Variants in NAV2 observed in about 807,000 individuals in gnomAD.
The protein encoded by NAV2 is helicase, APC down-regulated 1.
Under a neutral mutation model 223.2 loss-of-function variants are expected in NAV2, and 54 were observed. The ratio of observed to expected loss-of-function variants is 0.24; its 90% CI spans 0.19 to 0.30. The LOEUF (loss-of-function observed/expected upper bound fraction) is 0.30, where lower values mean the gene tolerates loss of function less well. Among genes scored for constraint, NAV2 ranks in the 10% least tolerant of loss-of-function variants. The pLI is 1.00. For synonymous variants in NAV2, 1,279 were observed against 1,239.3 expected (o/e 1.03, Z -0.67); for missense variants, 2,806 against 3,147.5 (o/e 0.89, Z 2.60).
intron 1 of NAV2, among the ~76,000 whole-genome samples, chr11:19,700,275 G>A (rs1055963870): frequency 6.6e-6 from 1 of 152,192 alleles, no homozygotes; most frequent in African/African-American, 2.4e-5. Context: ...GGCACAGAGA[G>A]ATTAAGTAAC....
At chr11:19,421,577 T>A (rs770329701) in intron 1 of NAV2, among the ~76,000 whole-genome samples, 2 of 152,154 alleles carry the variant, frequency 1.3e-5, no homozygotes, top group Non-Finnish European at 2.9e-5. Flanking sequence ...TTTTTAAAAA[T>A]TAGTTGATTT....
chr11:20,050,436 G>A (rs2057869465), intron 16 of NAV2, among the ~76,000 whole-genome samples: 1 of 152,100 alleles, frequency 6.6e-6, no homozygotes, highest in Non-Finnish European at 1.5e-5. Context: ...AATGTGTAGA[G>A]TATTAAGACT....
chr11:19,795,717 C>T lies in NAV2; in HGVS notation c.268-36767C>T, dbSNP rs145757978. On this transcript the variant is annotated intron_variant, in intron 1 of 37. Transcript: ENST00000349880. ...GGTCAGAAAGTTTTAGTCTAAACTTCGTGATAAATTTGCCTCCTCATGTTG... is the reference window on the plus strand; with the variant it reads ...GGTCAGAAAGTTTTAGTCTAAACTTTGTGATAAATTTGCCTCCTCATGTTG... 8.5e-5 allele frequency among the ~76,000 whole-genome samples: 13 copies of T among 152,282 alleles called. No individual in the cohort carries two copies. The East Asian group carries it at 2.3e-3, about 27-fold the overall frequency.
At chr11:19,693,474 G>A (rs1343178558) in intron 1 of NAV2, among the ~76,000 whole-genome samples, 1 of 152,150 alleles carries the variant, frequency 6.6e-6, no homozygotes, top group African/African-American at 2.4e-5. Context: ...TTCAAAGGGT[G>A]GGTTCACAAC....
chr11:19,385,589 C>T (rs1205354177), intron 1 of NAV2, among the ~76,000 whole-genome samples: 1 of 152,162 alleles, frequency 6.6e-6, no homozygotes, highest in Non-Finnish European at 1.5e-5. Flanking sequence ...ATTTTCTTCA[C>T]AACTTAGACC....
chr11:19,977,293 T>G (rs775874334), intron 10 of NAV2, among the ~76,000 whole-genome samples: 1 of 152,250 alleles, frequency 6.6e-6, no homozygotes, highest in Non-Finnish European at 1.5e-5. Flanking sequence ...GTCTGTCTTA[T>G]TTATGGTTAA....
At chr11:19,526,430 C>A (rs2043844769) in intron 1 of NAV2, among the ~76,000 whole-genome samples, 1 of 151,992 alleles carries the variant, frequency 6.6e-6, no homozygotes, top group Non-Finnish European at 1.5e-5. Context: ...TCAATCTTCT[C>A]CCCTTCTCTT....
At chr11:19,901,372 C>A (rs1231357243) in intron 6 of NAV2, among the ~76,000 whole-genome samples, 3 of 152,076 alleles carry the variant, frequency 2.0e-5, no homozygotes, top group African/African-American at 4.8e-5. Flanking sequence ...CAGAGCAAAA[C>A]CCTGTCTCTA....
intron 1 of NAV2, among the ~76,000 whole-genome samples, chr11:19,639,588 C>T (rs192949076): frequency 3.6e-4 from 55 of 152,276 alleles, no homozygotes; most frequent in Non-Finnish European, 5.7e-4. Flanking sequence ...TAGGTTGATT[C>T]TCTGTGAAAC....
chr11:19,353,414 C>T (rs918678538), intron 1 of NAV2, among the ~76,000 whole-genome samples: 2 of 152,106 alleles, frequency 1.3e-5, no homozygotes, highest in African/African-American at 4.8e-5. Context: ...TGGGTACGTG[C>T]ATATACCTTC....
At chr11:19,717,089 TG>T (rs2152337584) in intron 1 of NAV2, among the ~76,000 whole-genome samples, 1 of 152,324 alleles carries the variant, frequency 6.6e-6, no homozygotes, top group Non-Finnish European at 1.5e-5. Flanking sequence ...AGACCATTGC[TG>T]TAACCATTGA....
chr11:19,551,539 G>A (rs1243054755), intron 1 of NAV2, among the ~76,000 whole-genome samples: 1 of 152,244 alleles, frequency 6.6e-6, no homozygotes, highest in Non-Finnish European at 1.5e-5. Flanking sequence ...CCCACCAGGT[G>A]TGTGCCCTGT....
chr11:20,033,199 A>G (rs1167795675), intron 11 of NAV2, among the ~76,000 whole-genome samples: 1 of 152,268 alleles, frequency 6.6e-6, no homozygotes, highest in Non-Finnish European at 1.5e-5. Context: ...AATGGGCAGG[A>G]TGATACCTAC....
In NAV2 at chr11:19,964,418, C is replaced by T. The variant is rs548753278; in HGVS notation, c.2645+15338C>T. On this transcript the variant is annotated intron_variant, in intron 10 of 37. Transcript: ENST00000349880. ...AATGACCATTGTAATAATATTAACACGACTAGCTACCGTTTATTGAACACT... is the reference window on the plus strand; with the variant it reads ...AATGACCATTGTAATAATATTAACATGACTAGCTACCGTTTATTGAACACT... Among the ~76,000 whole-genome samples, 50 of 151,994 alleles carry T rather than the reference C, an allele frequency of 3.3e-4. No individual in the cohort carries two copies. The South Asian group carries it at 4.1e-3, about 13-fold the overall frequency.
chr11:19,911,368 A>T (rs2043301922), intron 6 of NAV2, among the ~76,000 whole-genome samples: 1 of 152,218 alleles, frequency 6.6e-6, no homozygotes, highest in Non-Finnish European at 1.5e-5. Context: ...TTCTAGACAG[A>T]ACAGCGTGTC....
At chr11:19,345,254 G>A in the NAV2 span, among the ~76,000 whole-genome samples, 1 of 152,234 alleles carries the variant, frequency 6.6e-6, no homozygotes, top group Non-Finnish European at 1.5e-5. The surrounding 1 kb of genome is among the most constrained non-coding windows in gnomAD (Gnocchi z 5.2). Context: ...AGCGCGGGCC[G>A]GAGTGCAGTG....
rs1483145720 is a variant in NAV2 at position 19,998,313 on chromosome 11, C to T, written c.2768+14066C>T. ...TCCGCCCACCTCCCTCTCCTTCTCTCTCATTGGCCATGGTGCAGGGGTCTA... is the reference window on the plus strand; with the variant it reads ...TCCGCCCACCTCCCTCTCCTTCTCTTTCATTGGCCATGGTGCAGGGGTCTA... On this transcript the variant is annotated intron_variant, in intron 11 of 37. Coordinates refer to ENST00000349880, the MANE Select transcript of NAV2 (RefSeq NM_145117.5). This position sits in a 1 kb window ranked among gnomAD's most constrained non-coding sequence, Gnocchi z 5.0. Among the ~76,000 whole-genome samples the T allele has an allele frequency of 6.6e-6, 1 of 151,958 alleles. No homozygotes were observed. The highest frequency in any genetic ancestry group is 1.5e-5 in the Non-Finnish European group (1 of 68,006).
In NAV2 at chr11:20,103,328, T is replaced by C. The variant is rs751995919; in HGVS notation, c.6491T>C (p.Val2164Ala). 11 of 1,614,208 alleles carry C rather than the reference T, an allele frequency of 6.8e-6. No homozygotes were observed. The highest frequency in any genetic ancestry group is 2.2e-5 in the East Asian group (1 of 44,890). ...AACAATGCTGTGGACATGCCCCTCG[T>C]CATCATCCTGGACAACCTACACCAC... ...SENNAVDMPLVIILDNLHHVS... is the reference protein window; with the variant it reads ...SENNAVDMPLAIILDNLHHVS... The change falls in exon 33 of 38, where the codon GTC becomes GCC. Residue 2164 changes from valine (V) to alanine (A), a missense_variant. By Grantham distance (64) the Val-to-Ala change is moderately conservative (BLOSUM62 0). Around this residue, in one of 4 missense-constraint regions of NAV2, gnomAD observed 824 missense variants for 1,069.4 expected, o/e 0.77. Coordinates refer to ENST00000349880, the MANE Select transcript of NAV2 (RefSeq NM_145117.5).
intron 37 of NAV2, 118 bp from the exon 38 acceptor site, chr11:20,118,015 C>A: frequency 8.7e-7 from 1 of 1,145,976 alleles, no homozygotes. Context: ...TGTCCACTGC[C>A]TCCACTGTGG....
Sources: gnomAD v4.1 joint callset for allele counts (sites outside exome capture counted in the v4.1 genomes callset) on GRCh38, gnomAD v4.1.1 for gene constraint, gnomAD v4.1.1 regional missense constraint, Gnocchi (gnomAD v3.1) non-coding constraint, MANE v1.5 for transcripts, NCBI Gene and HGNC (gene_info 2026-07-23, HGNC 2026-07-21) for gene names.